The following FAXDC2 variants were observed in gnomAD, a reference collection of about 807,000 sequenced individuals.
FAXDC2 encodes the protein fatty acid hydroxylase domain containing 2, also known as fatty acid hydroxylase domain-containing protein 2.
FAXDC2 carries 41 observed loss-of-function variants against 40.9 expected under a neutral mutation model. That is an observed-to-expected ratio of 1.00 (90% CI 0.78 to 1.30). The LOEUF is 1.30. Ranked by LOEUF, FAXDC2 falls within the 50% of genes most tolerant of loss-of-function variation. The pLI is 0.00. For synonymous variants in FAXDC2, 157 were observed against 149.3 expected, an observed-to-expected ratio of 1.05 and a Z score of -0.38; for missense variants, 390 against 408.8, an observed-to-expected ratio of 0.95 and a Z score of 0.40.
chr5:154,842,801 A>G (rs1327031086), intron 1 of FAXDC2, among the ~76,000 whole-genome samples: 4 of 151,194 alleles, frequency 2.6e-5, no homozygotes, highest in African/African-American at 9.7e-5. Context: ...AAGTGCTGCA[A>G]TTACAGGTGT....
chr5:154,841,635 C>T (rs1254712104), intron 1 of FAXDC2, among the ~76,000 whole-genome samples: 1 of 152,152 alleles, frequency 6.6e-6, no homozygotes, highest in Non-Finnish European at 1.5e-5. Flanking sequence ...GTTCCTGTGG[C>T]TTGATTCTGA....
rs754118338 is a variant in FAXDC2, at chr5:154,821,301, G to A, written c.804C>T (p.Pro268=). 8.7e-6 allele frequency: 14 copies of A among 1,612,044 alleles called. No individual in the cohort carries two copies. Among genetic ancestry groups the A allele is most frequent in the Non-Finnish European group, 1.1e-5 (13 of 1,179,050 alleles). The stretch of plus-strand genomic sequence containing the variant: ...CGTGGAATTCAGGCGAAGGCAGGAA[G>A]GGAAGGTGGTAGCCACAGTGGGAGA... ...TTISHCGYHL[P]FLPSPEFHDY... is the part of the protein sequence containing the mutation. Residue 268 remains proline (P), a synonymous_variant, in exon 8 of 9, where the codon CCC becomes CCT. Transcript: ENST00000326080.
chr5:154,849,522 T>G (rs962357608), intron 1 of FAXDC2, among the ~76,000 whole-genome samples: 4 of 152,232 alleles, frequency 2.6e-5, no homozygotes, highest in African/African-American at 9.6e-5. Flanking sequence ...CAAGAAAGAT[T>G]TGCCGAATAA....
At position 154,822,494 on chromosome 5, in the gene FAXDC2, TAGAG is replaced by T. The variant is rs748877503; in HGVS notation, c.652_655del (p.Leu218MetfsTer5). ...CACTGCATGCTCTATAGGGTGGGCA[TAGAG>T]AGAGATCACGCCAATGGGAGCTGTC... On this transcript the variant is annotated frameshift_variant, in exon 7 of 9. Coordinates refer to ENST00000326080, the MANE Select transcript of FAXDC2 (RefSeq NM_032385.5). LOFTEE classifies it high-confidence loss of function. The T allele has an allele frequency of 2.5e-6, 4 of 1,613,750 alleles. No homozygotes were observed. Among genetic ancestry groups the T allele is most frequent in the Non-Finnish European group, 2.5e-6 (3 of 1,179,730 alleles).
chr5:154,839,113 G>T (rs1371823536), intron 1 of FAXDC2, among the ~76,000 whole-genome samples: 4 of 151,806 alleles, frequency 2.6e-5, no homozygotes, highest in Admixed American at 6.6e-5. Context: ...ATCACCTAAG[G>T]TCAGGAGTTC....
chr5:154,834,921 C>A lies in FAXDC2; in HGVS notation c.62G>T (p.Trp21Leu). The A allele has an allele frequency of 1.3e-6, 2 of 1,599,692 alleles. No homozygotes were observed. Among genetic ancestry groups the A allele is most frequent in the East Asian group, 2.3e-5 (1 of 44,430 alleles). Residue 21 changes from tryptophan to leucine, a missense_variant, in exon 3 of 9, where the codon TGG becomes TTG. By Grantham distance (61) the Trp-to-Leu change is moderately conservative. Coordinates refer to ENST00000326080, the MANE Select transcript of FAXDC2 (RefSeq NM_032385.5). The stretch of plus-strand genomic sequence containing the variant: ...GAAAGCTGTCCTCCTCATAGAGCCC[C>A]AGATGTGTCCCTCCTGGAGGAGGGC... ...NEKSKQEGHI[W>L]GSMRRTAFIL...
chr5:154,819,425 T>C lies in FAXDC2; in HGVS notation c.*891A>G, dbSNP rs1759820279. ...CTCTGCCATGTTTTTCCGGGCTCTTTCTTCGGGGAGAAAGAGGGCTCTAAC... is the reference window on the plus strand; with the variant it reads ...CTCTGCCATGTTTTTCCGGGCTCTTCCTTCGGGGAGAAAGAGGGCTCTAAC... On this transcript the variant is annotated 3_prime_UTR_variant, in exon 9 of 9. Coordinates refer to ENST00000326080, the MANE Select transcript of FAXDC2 (RefSeq NM_032385.5). 6.6e-6 allele frequency: 1 copy of C among 152,176 alleles called. No homozygotes were observed. Among genetic ancestry groups the C allele is most frequent in the Non-Finnish European group, 1.5e-5 (1 of 68,020 alleles). 9.4% of individuals were successfully genotyped at this position (152,176 alleles called of 1,614,324 possible). A position where few individuals can be genotyped will look rare whatever the true frequency, so the allele number is the denominator to read the frequency against.
At chr5:154,844,995 C>T (rs988577755) in intron 1 of FAXDC2, among the ~76,000 whole-genome samples, 2 of 152,324 alleles carry the variant, frequency 1.3e-5, no homozygotes, top group Middle Eastern at 3.4e-3. Flanking sequence ...GAAGGCTTCT[C>T]GGCTGTAAGA....
intron 1 of FAXDC2, among the ~76,000 whole-genome samples, chr5:154,845,967 T>C (rs1251728028): frequency 1.3e-5 from 2 of 150,700 alleles, no homozygotes; most frequent in African/African-American, 2.4e-5. Context: ...TGTATATATA[T>C]ATATATATTT....
chr5:154,843,638 C>T (rs1481817990), intron 1 of FAXDC2, among the ~76,000 whole-genome samples: 1 of 152,200 alleles, frequency 6.6e-6, no homozygotes, highest in Non-Finnish European at 1.5e-5. Context: ...TCTTCCCAGA[C>T]TGCATTTTAG....
At chr5:154,833,037 A>G (rs1760231543) in intron 4 of FAXDC2, among the ~76,000 whole-genome samples, 1 of 150,976 alleles carries the variant, frequency 6.6e-6, no homozygotes, top group South Asian at 2.1e-4. Flanking sequence ...TCATTTAAAT[A>G]CTTCTTTTTT....
chr5:154,830,989 A>T, intron 4 of FAXDC2, 67 bp from the exon 5 acceptor site: 2 of 1,583,828 alleles, frequency 1.3e-6, no homozygotes. Flanking sequence ...CTAACAGAAC[A>T]TACTTTTTTG....
At chr5:154,827,954 A>G (rs1314213800) in intron 5 of FAXDC2, among the ~76,000 whole-genome samples, 2 of 151,802 alleles carry the variant, frequency 1.3e-5, no homozygotes, top group Non-Finnish European at 2.9e-5. Context: ...GGCTCAAGCA[A>G]TCCTCCCGTC....
At chr5:154,824,965 C>T (rs1410369742) in intron 5 of FAXDC2, among the ~76,000 whole-genome samples, 2 of 151,142 alleles carry the variant, frequency 1.3e-5, no homozygotes, top group Admixed American at 6.6e-5. Flanking sequence ...CACCTGTAGT[C>T]CCAGCTATTC....
At chr5:154,843,999 G>A (rs371553043) in intron 1 of FAXDC2, among the ~76,000 whole-genome samples, 2 of 152,036 alleles carry the variant, frequency 1.3e-5, no homozygotes, top group African/African-American at 4.8e-5. Flanking sequence ...TGGGTGGATC[G>A]TTTGAGGTCA....
At chr5:154,825,581 C>T (rs1326636771) in intron 5 of FAXDC2, among the ~76,000 whole-genome samples, 4 of 139,502 alleles carry the variant, frequency 2.9e-5, no homozygotes, top group East Asian at 4.2e-4. Context: ...CACTTGAACC[C>T]GGGAGGTTGC....
Position 154,818,577 on chromosome 5 carries a change from C to G in FAXDC2, c.*1739G>C, listed in dbSNP as rs2113109635. On this transcript the variant is annotated 3_prime_UTR_variant, in exon 9 of 9. Coordinates refer to ENST00000326080, the MANE Select transcript of FAXDC2 (RefSeq NM_032385.5). Reference sequence around the variant, plus strand: ...CCTTTTTTCAGCCTTAACTTGTATACCAACCTCAAGGATTTTGTTTGATAC... The same window carrying G: ...CCTTTTTTCAGCCTTAACTTGTATAGCAACCTCAAGGATTTTGTTTGATAC... 1 of 152,256 alleles carries G rather than the reference C, an allele frequency of 6.6e-6. No homozygotes were observed. Among genetic ancestry groups the G allele is most frequent in the South Asian group, 2.1e-4 (1 of 4,820 alleles). 9.4% of individuals were successfully genotyped at this position (152,256 alleles called of 1,614,324 possible).
chr5:154,824,588 A>T lies in FAXDC2; in HGVS notation c.367-996T>A, dbSNP rs371902092. ...GTGAGAGGACATGTTAGGTGAGGCC[A>T]TTACACCTTCTGGAAACCTTGACCA... is the stretch of plus-strand genomic sequence containing the variant. On this transcript the variant is annotated intron_variant, in intron 5 of 8. Transcript: ENST00000326080. 21 of 702,430 alleles carry T rather than the reference A, an allele frequency of 3.0e-5. No individual in the cohort carries two copies. In the African/African-American group the frequency reaches 3.3e-4, roughly 11 times the overall value. The allele number at this position is 702,430 out of a possible 1,614,324, so 43.5% of individuals were successfully genotyped here.
intron 8 of FAXDC2, 143 bp from the exon 9 acceptor site, chr5:154,820,615 G>T (rs2113116106): frequency 1.6e-6 from 1 of 631,492 alleles, no homozygotes; most frequent in South Asian, 2.4e-5. Flanking sequence ...ATCAGAATAA[G>T]CTGGGGAGTT....
Sources: gnomAD v4.1 joint callset for allele counts (sites outside exome capture counted in the v4.1 genomes callset) on GRCh38, gnomAD v4.1.1 for gene constraint, MANE v1.5 for transcripts, NCBI Gene and HGNC (gene_info 2026-07-23, HGNC 2026-07-21) for gene names.